Variants in GALNT13 observed in about 807,000 individuals in gnomAD.
GALNT13 encodes polypeptide N-acetylgalactosaminyltransferase 13, also known as UDP-GalNAc:polypeptide N-acetylgalactosaminyltransferase 13.
GALNT13 carries 28 observed loss-of-function variants against 64.2 expected under a neutral mutation model. The observed-to-expected ratio is 0.44, with a 90% CI of 0.32 to 0.60. GALNT13 has a LOEUF of 0.60. Among genes scored for constraint, GALNT13 ranks in the 20% least tolerant of loss-of-function variants. The probability of loss-of-function intolerance (pLI) is 0.05; values close to 1 mark genes in which losing one functional copy is unlikely to be tolerated. For missense variants in GALNT13, 577 were observed against 669.8 expected (o/e 0.86, Z 1.53); for synonymous variants, 214 against 224.6 (o/e 0.95, Z 0.42).
chr2:154,337,699 A>T (rs1008895218), intron 9 of GALNT13, among the ~76,000 whole-genome samples: 12 of 152,096 alleles, frequency 7.9e-5, no homozygotes, highest in African/African-American at 2.7e-4. Context: ...TATACAGTAA[A>T]TATTAATTGC....
chr2:153,261,170 G>A, the GALNT13 span, among the ~76,000 whole-genome samples: 1 of 152,032 alleles, frequency 6.6e-6, no homozygotes, highest in South Asian at 2.1e-4. Context: ...TATCTGAAAG[G>A]TAATATATCT....
At chr2:153,530,427 T>C in the GALNT13 span, among the ~76,000 whole-genome samples, 2 of 152,114 alleles carry the variant, frequency 1.3e-5, no homozygotes, top group Non-Finnish European at 2.9e-5. Context: ...GTCAATATTA[T>C]TAATTTTGTC....
At chr2:153,189,212 C>T in the GALNT13 span, among the ~76,000 whole-genome samples, 308 of 152,178 alleles carry the variant, frequency 2.0e-3, 1 homozygote, top group African/African-American at 7.0e-3. Flanking sequence ...TCTTATTCCC[C>T]GTCCCATTCC....
rs537893330 is a variant in GALNT13 at position 154,336,890 on chromosome 2, A to C, written c.1156+35301A>C. Among the ~76,000 whole-genome samples, 105 of 152,232 alleles carry C rather than the reference A, an allele frequency of 6.9e-4. 1 individual carries two copies. The highest frequency in any genetic ancestry group is 2.5e-3 in the African/African-American group (102 of 41,562). On this transcript the variant is annotated intron_variant, in intron 9 of 12. Coordinates refer to ENST00000392825, the MANE Select transcript of GALNT13 (RefSeq NM_052917.4). ...AACTGGGTAAACCACTGAGATAAGA[A>C]TCCTAATTTGTTCAGAATATTAGAC...
At chr2:153,473,362 T>A in the GALNT13 span, among the ~76,000 whole-genome samples, 1 of 152,180 alleles carries the variant, frequency 6.6e-6, no homozygotes, top group Non-Finnish European at 1.5e-5. Flanking sequence ...GATAATAATA[T>A]TATATAATTA....
intron 9 of GALNT13, among the ~76,000 whole-genome samples, chr2:154,321,044 A>G (rs957200138): frequency 8.5e-5 from 13 of 152,154 alleles, no homozygotes; most frequent in Non-Finnish European, 1.3e-4. Flanking sequence ...ATCTTGGGAA[A>G]TGTGTTAGCA....
At chr2:153,814,215 C>T in the GALNT13 span, among the ~76,000 whole-genome samples, 4 of 151,952 alleles carry the variant, frequency 2.6e-5, no homozygotes, top group African/African-American at 9.7e-5. Context: ...CCGAGGTGGG[C>T]GGATCACGAG....
the GALNT13 span, among the ~76,000 whole-genome samples, chr2:153,471,437 A>T: frequency 3.5e-5 from 5 of 142,632 alleles, no homozygotes; most frequent in Non-Finnish European, 4.8e-5. Context: ...CTCCACAGAG[A>T]AGAGAAATAG....
chr2:153,123,809 G>A, the GALNT13 span, among the ~76,000 whole-genome samples: 1 of 152,134 alleles, frequency 6.6e-6, no homozygotes, highest in South Asian at 2.1e-4. Context: ...TCCAGAAAAA[G>A]ATTGTTCAAA....
chr2:153,442,192 CTATT>C, the GALNT13 span, among the ~76,000 whole-genome samples: 2 of 152,144 alleles, frequency 1.3e-5, no homozygotes, highest in East Asian at 3.9e-4. Flanking sequence ...TTTTCTGCAT[CTATT>C]GAGATAATCA....
chr2:154,267,417 A>G (rs760405453), intron 8 of GALNT13, among the ~76,000 whole-genome samples: 3 of 152,138 alleles, frequency 2.0e-5, no homozygotes, highest in Non-Finnish European at 4.4e-5. Flanking sequence ...AGGTGGGCAG[A>G]TCACTTAAGG....
chr2:153,078,613 A>G, the GALNT13 span, among the ~76,000 whole-genome samples: 3 of 151,994 alleles, frequency 2.0e-5, no homozygotes, highest in Admixed American at 2.0e-4. Context: ...GCCTGGCCTC[A>G]TTCTTATGCC....
At chr2:153,189,408 C>T in the GALNT13 span, among the ~76,000 whole-genome samples, 9,615 of 152,106 alleles carry the variant, frequency 0.063, 420 homozygotes, top group Non-Finnish European at 0.092. Flanking sequence ...TATTTTTTTG[C>T]AGTATATTCA....
chr2:153,620,593 C>T, the GALNT13 span, among the ~76,000 whole-genome samples: 7 of 151,896 alleles, frequency 4.6e-5, no homozygotes, highest in African/African-American at 1.7e-4. Context: ...TTTTTAGCTC[C>T]AGAATTTCTG....
the GALNT13 span, among the ~76,000 whole-genome samples, chr2:153,275,293 C>T: frequency 6.6e-6 from 1 of 152,042 alleles, no homozygotes; most frequent in Admixed American, 6.5e-5. Flanking sequence ...TTAGAGATTA[C>T]TTTATGTCTG....
the GALNT13 span, among the ~76,000 whole-genome samples, chr2:153,595,360 T>A: frequency 6.6e-6 from 1 of 151,862 alleles, no homozygotes; most frequent in African/African-American, 2.4e-5. Flanking sequence ...CAAATTTAAA[T>A]GTTTGTTTAT....
chr2:154,383,382 A>G (rs1574205694), intron 9 of GALNT13, among the ~76,000 whole-genome samples: 1 of 151,942 alleles, frequency 6.6e-6, no homozygotes, highest in Non-Finnish European at 1.5e-5. Flanking sequence ...AGATGTCATA[A>G]AGAACATTCC....
the GALNT13 span, among the ~76,000 whole-genome samples, chr2:153,837,557 C>T: frequency 6.6e-6 from 1 of 152,026 alleles, no homozygotes; most frequent in African/African-American, 2.4e-5. Context: ...TTTCTAGATT[C>T]ATCCATTTTA....
At chr2:154,355,909 G>T (rs142083836) in intron 9 of GALNT13, among the ~76,000 whole-genome samples, 4 of 152,116 alleles carry the variant, frequency 2.6e-5, no homozygotes, top group East Asian at 1.9e-4. Context: ...AGGAATCTCA[G>T]TCTGGGCCTT....
Sources: gnomAD v4.1 joint callset for allele counts (sites outside exome capture counted in the v4.1 genomes callset) on GRCh38, gnomAD v4.1.1 for gene constraint, MANE v1.5 for transcripts, NCBI Gene and HGNC (gene_info 2026-07-23, HGNC 2026-07-21) for gene names.